ZNHIT6: variants seen among roughly 807,000 people sequenced by gnomAD.
ZNHIT6 encodes zinc finger HIT-type containing 6.
ZNHIT6 carries 45 observed loss-of-function variants against 57.2 expected under a neutral mutation model. The observed-to-expected ratio is 0.79, with a 90% CI of 0.62 to 1.01. ZNHIT6 has a LOEUF of 1.01. Ranked by LOEUF, ZNHIT6 falls within the 50% of genes least tolerant of loss-of-function variation. The probability of loss-of-function intolerance (pLI) is 0.00; values close to 1 mark genes in which losing one functional copy is unlikely to be tolerated. For missense variants in ZNHIT6, 528 were observed against 567.3 expected (o/e 0.93, Z 0.70); for synonymous variants, 188 against 190.0 (o/e 0.99, Z 0.09).
At chr1:85,684,159 AT>A (rs1661959837) in intron 5 of ZNHIT6, among the ~76,000 whole-genome samples, 2 of 152,194 alleles carry the variant, frequency 1.3e-5, no homozygotes, top group Admixed American at 1.3e-4. Context: ...TACCTAGTAT[AT>A]TCTAGGTAAC....
chr1:85,687,315 T>TAAAAAAAAA (rs1662091080), intron 5 of ZNHIT6, among the ~76,000 whole-genome samples: 1 of 41,462 alleles, frequency 2.4e-5, no homozygotes, highest in Non-Finnish European at 7.0e-5. Flanking sequence ...AAAAAAACAA[T>TAAAAAAAAA]TTAGAACCCA....
rs140939724 is a variant in ZNHIT6, at chr1:85,708,112, C to T, written c.173G>A (p.Gly58Glu). 1.4e-5 allele frequency: 22 copies of T among 1,614,032 alleles called. No homozygotes were observed. Among genetic ancestry groups the T allele is most frequent in the African/African-American group, 6.7e-5 (5 of 74,908 alleles). The change falls in exon 1 of 10, where the codon GGG becomes GAG. Residue 58 changes from glycine to glutamate, a missense_variant. Physicochemically the swap from Gly to Glu is moderately conservative, Grantham distance 98. Coordinates refer to ENST00000370574, the MANE Select transcript of ZNHIT6 (RefSeq NM_017953.4). ...GTGLTGIKEI[G>E]DGEEGSGQRP... The stretch of plus-strand genomic sequence containing the variant: ...TTGTCCACTTCCTTCCTCTCCATCC[C>T]CTATCTCCTTTATCCCTGTCAGCCC...
In ZNHIT6 at chr1:85,706,329, G is replaced by C. The variant is rs764384845; in HGVS notation, c.749C>G (p.Ala250Gly). ...TCGAACTCCATTACATGTCAGTTCT[G>C]CTTTGTGTTTCTTTACACAGGGCAA... Reference protein sequence around the residue: ...CSLPCVKKHKAELTCNGVRDK... With the variant: ...CSLPCVKKHKGELTCNGVRDK... The change falls in exon 3 of 10, where the codon GCA becomes GGA. Residue 250 changes from alanine (A) to glycine (G), a missense_variant. Transcript: ENST00000370574. 6.2e-7 allele frequency: 1 copy of C among 1,613,734 alleles called. No individual in the cohort carries two copies. Among genetic ancestry groups the C allele is most frequent in the Non-Finnish European group, 8.5e-7 (1 of 1,179,854 alleles).
chr1:85,695,981 A>G (rs1229655409), intron 5 of ZNHIT6, among the ~76,000 whole-genome samples: 1 of 152,156 alleles, frequency 6.6e-6, no homozygotes, highest in Non-Finnish European at 1.5e-5. Flanking sequence ...GATTGCAGTA[A>G]GCTGAGATCG....
At chr1:85,699,314 T>C (rs191289575) in intron 5 of ZNHIT6, among the ~76,000 whole-genome samples, 1 of 152,258 alleles carries the variant, frequency 6.6e-6, no homozygotes, top group African/African-American at 2.4e-5. Context: ...GTCTATTTTT[T>C]CCTCTTAAAG....
chr1:85,682,036 C>T (rs924139521), intron 5 of ZNHIT6, among the ~76,000 whole-genome samples: 20 of 121,220 alleles, frequency 1.6e-4, no homozygotes, highest in African/African-American at 3.7e-4. Context: ...TTTTTTGAGA[C>T]GGAGTTTCGC....
chr1:85,705,475 C>A (rs1185212229), intron 4 of ZNHIT6, among the ~76,000 whole-genome samples: 1 of 152,258 alleles, frequency 6.6e-6, no homozygotes, highest in East Asian at 1.9e-4. Context: ...CTCAGCCTCC[C>A]AAAGTGTTTG....
At chr1:85,663,147 A>C (rs909834701) in intron 8 of ZNHIT6, among the ~76,000 whole-genome samples, 1 of 152,218 alleles carries the variant, frequency 6.6e-6, no homozygotes, top group South Asian at 2.1e-4. Context: ...TGTAAGGACT[A>C]TAACAGGTGA....
intron 5 of ZNHIT6, among the ~76,000 whole-genome samples, chr1:85,698,645 G>T (rs1167507269): frequency 6.6e-6 from 1 of 152,002 alleles, no homozygotes; most frequent in Non-Finnish European, 1.5e-5. Context: ...TTAATACCTA[G>T]GGAGTATTAA....
intron 5 of ZNHIT6, among the ~76,000 whole-genome samples, chr1:85,689,889 C>A (rs1662169480): frequency 6.6e-6 from 1 of 152,086 alleles, no homozygotes; most frequent in Non-Finnish European, 1.5e-5. Context: ...GCCAATAGAG[C>A]CCCTACTAAG....
chr1:85,700,299 G>A (rs1479299659), intron 5 of ZNHIT6, among the ~76,000 whole-genome samples: 1 of 152,112 alleles, frequency 6.6e-6, no homozygotes, highest in Non-Finnish European at 1.5e-5. Flanking sequence ...GCTCCATTTT[G>A]CAGACGGTAA....
At chr1:85,707,578 C>A in intron 1 of ZNHIT6, 51 bp downstream of exon 1, 1 of 1,497,320 alleles carries the variant, frequency 6.7e-7, no homozygotes, top group Non-Finnish European at 8.9e-7. Flanking sequence ...TCACTCTAGA[C>A]ATGAGGACTC....
chr1:85,656,972 C>G (rs753774724), intron 9 of ZNHIT6, among the ~76,000 whole-genome samples: 1 of 152,058 alleles, frequency 6.6e-6, no homozygotes, highest in Non-Finnish European at 1.5e-5. Flanking sequence ...AAAATAGTAT[C>G]AATCCAAGAC....
chr1:85,687,382 C>T (rs531510067), intron 5 of ZNHIT6, among the ~76,000 whole-genome samples: 3 of 149,720 alleles, frequency 2.0e-5, no homozygotes, highest in Admixed American at 6.7e-5. Flanking sequence ...AGTATTTTGC[C>T]GTGATTTCAT....
chr1:85,702,158 T>G lies in ZNHIT6; in HGVS notation c.1018A>C (p.Lys340Gln). 1 of 1,594,750 alleles carries G rather than the reference T, an allele frequency of 6.3e-7. No homozygotes were observed. The highest frequency in any genetic ancestry group is 8.5e-7 in the Non-Finnish European group (1 of 1,169,816). Reference sequence around the variant, plus strand: ...TATACTAAAAAGTTAGAAACTTACTTCTTATCAAAAAAGGTTGAATTCTCC... The same window carrying G: ...TATACTAAAAAGTTAGAAACTTACTGCTTATCAAAAAAGGTTGAATTCTCC... The part of the protein sequence containing the change: ...RKENSTFFDK[K>Q]KQQFCWHVKL... Residue 340 changes from lysine to glutamine, a missense_variant and splice_region_variant, in exon 5 of 10, where the codon AAA becomes CAA. Lys to Gln is a moderately conservative substitution (Grantham distance 53). Coordinates refer to ENST00000370574, the MANE Select transcript of ZNHIT6 (RefSeq NM_017953.4).
intron 5 of ZNHIT6, among the ~76,000 whole-genome samples, chr1:85,695,665 T>A (rs1662346885): frequency 6.6e-6 from 1 of 152,248 alleles, no homozygotes; most frequent in South Asian, 2.1e-4. Flanking sequence ...TCAGCAAGAT[T>A]CTAAGAGCTA....
intron 8 of ZNHIT6, among the ~76,000 whole-genome samples, chr1:85,672,080 T>A (rs970353692): frequency 1.3e-5 from 2 of 152,160 alleles, no homozygotes. Flanking sequence ...TCTGAAGATA[T>A]CCTAATAATT....
At chr1:85,681,425 A>G (rs988934101) in intron 5 of ZNHIT6, among the ~76,000 whole-genome samples, 2 of 152,238 alleles carry the variant, frequency 1.3e-5, no homozygotes, top group Non-Finnish European at 2.9e-5. Context: ...ATCAACAGCA[A>G]TAACTCACTA....
intron 8 of ZNHIT6, among the ~76,000 whole-genome samples, chr1:85,666,075 C>T (rs1661361697): frequency 6.6e-6 from 1 of 152,170 alleles, no homozygotes; most frequent in Non-Finnish European, 1.5e-5. Context: ...GAGAGTCTAC[C>T]ATGTTCCAGA....
Sources: gnomAD v4.1 joint callset for allele counts (sites outside exome capture counted in the v4.1 genomes callset) on GRCh38, gnomAD v4.1.1 for gene constraint, MANE v1.5 for transcripts, NCBI Gene and HGNC (gene_info 2026-07-23, HGNC 2026-07-21) for gene names.